FANCB: variants seen among roughly 807,000 people sequenced by gnomAD.
FANCB encodes Fanconi anemia group B protein.
FANCB carries 5 observed loss-of-function variants against 38.9 expected under a neutral mutation model. That is an observed-to-expected ratio of 0.13 (90% CI 0.07 to 0.27). FANCB has a LOEUF of 0.27. Among genes scored for constraint, FANCB ranks in the 10% least tolerant of loss-of-function variants. The pLI, the probability that FANCB is intolerant of heterozygous loss-of-function variation, is 1.00. For synonymous variants in FANCB, 236 were observed against 215.4 expected, an observed-to-expected ratio of 1.10 and a Z score of -0.84; for missense variants, 573 against 602.7, an observed-to-expected ratio of 0.95 and a Z score of 0.52.
Position 14,844,668 on chromosome X carries a change from T to C in FANCB, c.2000A>G (p.Tyr667Cys), listed in dbSNP as rs745346114. The change falls in exon 9 of 10, where the codon TAT becomes TGT. Residue 667 changes from tyrosine to cysteine, a missense_variant. By Grantham distance (194) the Tyr-to-Cys change is radical. Coordinates refer to ENST00000650831, the MANE Select transcript of FANCB (RefSeq NM_001018113.3). ...CCACACCTTCATTGAATTCAGGGCA[T>C]AGCCGGGTGATGTGATTTGAAAACA... ...KSCFQITSPG[Y>C]ALNSMKVWLL... 8.3e-7 allele frequency: 1 copy of C among 1,209,450 alleles called. No individual in the cohort carries two copies. The highest frequency in any genetic ancestry group is 1.8e-5 in the South Asian group (1 of 56,853).
chrX:14,788,263 A>T, the FANCB span, among the ~76,000 whole-genome samples: 1 of 110,938 alleles, frequency 9.0e-6, no homozygotes, highest in Non-Finnish European at 1.9e-5. Flanking sequence ...AACAGGAGAA[A>T]CTGACGCAGT....
chrX:14,719,401 T>C, the FANCB span, among the ~76,000 whole-genome samples: 5 of 111,829 alleles, frequency 4.5e-5, no homozygotes, highest in African/African-American at 1.6e-4. Flanking sequence ...AGTATCTGAA[T>C]AGACATTTCT....
the FANCB span, among the ~76,000 whole-genome samples, chrX:14,691,253 G>C: frequency 2.9e-5 from 3 of 104,865 alleles, no homozygotes; most frequent in Non-Finnish European, 5.8e-5. Flanking sequence ...TTAAAATCCT[G>C]GTTCTTCTAA....
the FANCB span, among the ~76,000 whole-genome samples, chrX:14,778,039 A>G: frequency 8.9e-6 from 1 of 112,097 alleles, no homozygotes; most frequent in Non-Finnish European, 1.9e-5. Flanking sequence ...AACAATAGCC[A>G]ATAATAAGAA....
the FANCB span, among the ~76,000 whole-genome samples, chrX:14,781,493 C>T: frequency 9.0e-6 from 1 of 111,153 alleles, no homozygotes; most frequent in Non-Finnish European, 1.9e-5. Context: ...GATGAATGTG[C>T]TTTAGAAATG....
chrX:14,833,740 G>A (rs894189301), downstream of FANCB, among the ~76,000 whole-genome samples: 1 of 109,665 alleles, frequency 9.1e-6, no homozygotes, highest in Non-Finnish European at 1.9e-5. Context: ...TGGGCGCATC[G>A]CCTGAGCCCA....
the FANCB span, among the ~76,000 whole-genome samples, chrX:14,817,440 C>T: frequency 1.8e-5 from 2 of 111,216 alleles, no homozygotes; most frequent in Non-Finnish European, 3.8e-5. Context: ...CAAAGAAGTC[C>T]CAAATTAGGT....
the FANCB span, among the ~76,000 whole-genome samples, chrX:14,820,278 G>A: frequency 9.1e-6 from 1 of 109,945 alleles, no homozygotes; most frequent in African/African-American, 3.3e-5. Flanking sequence ...TTCCCTTCTT[G>A]TTCCTCTGCC....
the FANCB span, among the ~76,000 whole-genome samples, chrX:14,824,670 G>A: frequency 1.8e-5 from 2 of 111,965 alleles, no homozygotes; most frequent in African/African-American, 6.5e-5. Context: ...GGCTTATCAC[G>A]TCATAATACC....
intron 5 of FANCB, 36 bp downstream of exon 5, chrX:14,857,821 TAACAC>T (rs1569088888): frequency 1.1e-6 from 1 of 880,209 alleles, no homozygotes; most frequent in Non-Finnish European, 1.7e-6. Context: ...TCATTTAGAA[TAACAC>T]TAATCGAAAA....
the FANCB span, among the ~76,000 whole-genome samples, chrX:14,755,488 A>G: frequency 1.8e-5 from 2 of 111,991 alleles, no homozygotes; most frequent in African/African-American, 6.5e-5. Context: ...AGTCAGTAAC[A>G]TTTCTACGTA....
chrX:14,854,935 G>C (rs2092417474), intron 5 of FANCB, among the ~76,000 whole-genome samples: 1 of 111,660 alleles, frequency 9.0e-6, no homozygotes, highest in Non-Finnish European at 1.9e-5. Flanking sequence ...TTTTTTGTGT[G>C]TTTTGCTTCT....
chrX:14,729,362 A>G, the FANCB span, among the ~76,000 whole-genome samples: 1 of 110,179 alleles, frequency 9.1e-6, no homozygotes, highest in Non-Finnish European at 1.9e-5. Context: ...CACCTTTTCA[A>G]CCCCACCGTT....
chrX:14,701,242 A>C, the FANCB span, among the ~76,000 whole-genome samples: 2 of 111,147 alleles, frequency 1.8e-5, no homozygotes, highest in Non-Finnish European at 3.8e-5. Context: ...CATCGGACGT[A>C]GGGGAAATTG....
At chrX:14,864,141 A>T (rs982950296) in intron 3 of FANCB, among the ~76,000 whole-genome samples, 8 of 111,264 alleles carry the variant, frequency 7.2e-5, no homozygotes, top group African/African-American at 9.8e-5. Flanking sequence ...TCTCAAAAAA[A>T]ATATAAAAAA....
chrX:14,750,887 TA>T, the FANCB span, among the ~76,000 whole-genome samples: 6,507 of 94,268 alleles, frequency 0.069, 277 homozygotes, highest in African/African-American at 0.14. Flanking sequence ...AGACATTATT[TA>T]AAAAAAAAAA....
Position 14,845,377 on chromosome X carries a change from T to A in FANCB, c.1497-91A>T. 10 of 687,684 alleles carry A rather than the reference T, an allele frequency of 1.5e-5. 1 individual carries two copies. Among genetic ancestry groups the A allele is most frequent in the Non-Finnish European group, 2.3e-6 (1 of 437,923 alleles). The allele number at this position is 687,684 out of a possible 1,213,427, so 56.7% of individuals were successfully genotyped here. A position where few individuals can be genotyped will look rare whatever the true frequency, so the allele number is the denominator to read the frequency against. On this transcript the variant is annotated intron_variant, in intron 7 of 9. Transcript: ENST00000650831. ...ATGTCATACAAACAACAGTAAAAAA[T>A]GTTTATTCTTTCCTTTCCTAGAAAA...
chrX:14,838,121 G>A (rs2092345806), intron 10 of FANCB, among the ~76,000 whole-genome samples: 1 of 111,733 alleles, frequency 8.9e-6, no homozygotes, highest in South Asian at 3.7e-4. Context: ...ATCCTGGGAA[G>A]CACAGTTTTA....
At chrX:14,707,214 T>G in the FANCB span, among the ~76,000 whole-genome samples, 1 of 111,512 alleles carries the variant, frequency 9.0e-6, no homozygotes, top group Non-Finnish European at 1.9e-5. Flanking sequence ...AAGCATGACA[T>G]AGTGACACAT....
Sources: allele counts gnomAD v4.1 joint callset (sites outside exome capture counted in the v4.1 genomes callset), GRCh38; gene constraint gnomAD v4.1.1; transcripts MANE v1.5; gene names NCBI Gene and HGNC (gene_info 2026-07-23, HGNC 2026-07-21).